The following TENM3 variants were observed in gnomAD, a reference collection of about 807,000 sequenced individuals.
TENM3 encodes the protein teneurin transmembrane protein 3.
A neutral mutation model predicts 255.1 loss-of-function variants in TENM3; 63 were observed. That is an observed-to-expected ratio of 0.25 (90% confidence interval 0.20 to 0.30). The LOEUF is 0.30. TENM3 is among the 10% of genes least tolerant of loss of function. The probability of loss-of-function intolerance (pLI) is 1.00; values close to 1 mark genes in which losing one functional copy is unlikely to be tolerated. For missense variants in TENM3, 2,929 were observed against 3,461.1 expected, an observed-to-expected ratio of 0.85 and a Z score of 3.86; for synonymous variants, 1,306 against 1,322.3, an observed-to-expected ratio of 0.99 and a Z score of 0.27.
intron 3 of TENM3, among the ~76,000 whole-genome samples, chr4:182,420,043 G>A (rs566536857): frequency 1.3e-4 from 20 of 151,412 alleles, no homozygotes; most frequent in Non-Finnish European, 2.9e-4. Flanking sequence ...AAGAAATACT[G>A]TTATTTCCCT....
At chr4:182,430,918 A>G (rs914102180) in intron 3 of TENM3, among the ~76,000 whole-genome samples, 1 of 152,016 alleles carries the variant, frequency 6.6e-6, no homozygotes, top group African/African-American at 2.4e-5. Context: ...AGGCTAAGAT[A>G]GGAGAATCAC....
At chr4:182,018,146 G>T in the TENM3 span, among the ~76,000 whole-genome samples, 1 of 152,144 alleles carries the variant, frequency 6.6e-6, no homozygotes, top group Non-Finnish European at 1.5e-5. Context: ...GACTATCCTA[G>T]AAGGGGATGA....
intron 12 of TENM3, among the ~76,000 whole-genome samples, chr4:182,708,734 C>T (rs1014692023): frequency 4.7e-5 from 7 of 149,770 alleles, no homozygotes; most frequent in African/African-American, 1.7e-4. Flanking sequence ...GGAGGCGGAG[C>T]TTGCAGTGAG....
chr4:181,790,431 A>G, the TENM3 span, among the ~76,000 whole-genome samples: 2 of 152,216 alleles, frequency 1.3e-5, no homozygotes, highest in African/African-American at 4.8e-5. Flanking sequence ...GCGAACTCTA[A>G]CAACAATTAA....
Position 182,680,582 on chromosome 4 carries a change from C to T in TENM3, c.1679C>T (p.Ser560Phe), listed in dbSNP as rs1450996916. The T allele has an allele frequency of 6.2e-7, 1 of 1,613,622 alleles. No individual in the cohort carries two copies. Among genetic ancestry groups the T allele is most frequent in the African/African-American group, 1.3e-5 (1 of 74,870 alleles). The change falls in exon 10 of 28, where the codon TCC (serine) becomes TTC (phenylalanine). Residue 560 changes from serine (S) to phenylalanine (F), a missense_variant. This residue lies in a region of TENM3 where 1,608 missense variants were observed against 1,884.4 expected (regional missense o/e 0.85). Coordinates refer to ENST00000511685, the MANE Select transcript of TENM3 (RefSeq NM_001080477.4). Reference protein sequence around the residue: ...PVLCSGNGQYSKGRCLCFSGW... With the variant: ...PVLCSGNGQYFKGRCLCFSGW... ...TTATGTAGTGGCAACGGGCAGTACTCCAAGGGCCGCTGCCTGTGTTTCAGC... is the reference window on the plus strand; with the variant it reads ...TTATGTAGTGGCAACGGGCAGTACTTCAAGGGCCGCTGCCTGTGTTTCAGC...
rs536862012 is a variant in TENM3, at chr4:182,689,044, T to G, written c.2221+693T>G. 6.1e-4 allele frequency among the ~76,000 whole-genome samples: 93 copies of G among 152,302 alleles called. 1 individual carries two copies. Among genetic ancestry groups the G allele is most frequent in the Admixed American group, 1.2e-3 (19 of 15,292 alleles). On this transcript the variant is annotated intron_variant, in intron 12 of 27. Transcript: ENST00000511685. The stretch of plus-strand genomic sequence containing the variant: ...TACAAAAGTATCCAAAACATATATA[T>G]CATGTTTTCAAGATACTTAGTGTCT...
At chr4:182,070,883 C>G in the TENM3 span, among the ~76,000 whole-genome samples, 1 of 152,274 alleles carries the variant, frequency 6.6e-6, no homozygotes, top group East Asian at 1.9e-4. Context: ...ACTCCTGGTT[C>G]CTTCAGAGCA....
intron 3 of TENM3, among the ~76,000 whole-genome samples, chr4:182,470,243 A>G (rs1027077356): frequency 6.6e-6 from 1 of 152,246 alleles, no homozygotes; most frequent in Non-Finnish European, 1.5e-5. Flanking sequence ...CAAAAACTAT[A>G]GTAAACAGAG....
At chr4:182,645,637 T>G (rs1007617108) in intron 5 of TENM3, among the ~76,000 whole-genome samples, 6 of 152,184 alleles carry the variant, frequency 3.9e-5, no homozygotes, top group African/African-American at 1.4e-4. Context: ...AAGGCTCAGC[T>G]GGTGCTGCAG....
the TENM3 span, among the ~76,000 whole-genome samples, chr4:181,483,107 A>G: frequency 6.6e-6 from 1 of 152,162 alleles, no homozygotes; most frequent in Non-Finnish European, 1.5e-5. Flanking sequence ...AAACAAGTGT[A>G]AAAAGAATTT....
chr4:181,620,775 G>A, the TENM3 span, among the ~76,000 whole-genome samples: 1 of 152,002 alleles, frequency 6.6e-6, no homozygotes, highest in Non-Finnish European at 1.5e-5. Flanking sequence ...TAAATTGCAG[G>A]AATTAAAAAT....
the TENM3 span, among the ~76,000 whole-genome samples, chr4:181,966,000 C>T: frequency 2.6e-5 from 4 of 152,136 alleles, no homozygotes; most frequent in African/African-American, 9.7e-5. Context: ...GCCATTATTC[C>T]ATTAGGGATG....
At chr4:181,611,567 C>T in the TENM3 span, among the ~76,000 whole-genome samples, 23 of 151,946 alleles carry the variant, frequency 1.5e-4, no homozygotes, top group South Asian at 6.2e-4. Context: ...TTGTATTACA[C>T]GATACGGAGT....
chr4:182,288,197 A>G (rs1275892828), intron 1 of TENM3, among the ~76,000 whole-genome samples: 1 of 152,028 alleles, frequency 6.6e-6, no homozygotes, highest in African/African-American at 2.4e-5. Context: ...CGGCCTCCCA[A>G]AGTACTGGGA....
chr4:181,621,583 G>A, the TENM3 span, among the ~76,000 whole-genome samples: 8 of 152,146 alleles, frequency 5.3e-5, no homozygotes, highest in African/African-American at 4.8e-5. Flanking sequence ...TCAAGAGGTC[G>A]ATAACTCCTT....
chr4:182,363,646 A>AT (rs1766195594), intron 3 of TENM3, among the ~76,000 whole-genome samples: 1 of 152,174 alleles, frequency 6.6e-6, no homozygotes, highest in African/African-American at 2.4e-5. Context: ...AAAGGTAACC[A>AT]TAAAACCTAC....
chr4:182,055,594 T>G, the TENM3 span, among the ~76,000 whole-genome samples: 2 of 152,046 alleles, frequency 1.3e-5, no homozygotes, highest in South Asian at 2.1e-4. Flanking sequence ...GTGTCCCTAA[T>G]CCACCGCTCT....
At chr4:181,994,869 A>G in the TENM3 span, among the ~76,000 whole-genome samples, 1 of 152,206 alleles carries the variant, frequency 6.6e-6, no homozygotes, top group South Asian at 2.1e-4. Context: ...TAAGGCTTTC[A>G]GATACAATTT....
chr4:182,676,042 G>A (rs116451561), intron 7 of TENM3, among the ~76,000 whole-genome samples: 358 of 152,326 alleles, frequency 2.4e-3, no homozygotes, highest in African/African-American at 8.2e-3. Flanking sequence ...CTGTTTCTGA[G>A]TTCAGTGTTT....
Sources: allele counts gnomAD v4.1 joint callset (sites outside exome capture counted in the v4.1 genomes callset), GRCh38; gene constraint gnomAD v4.1.1; regional missense constraint gnomAD v4.1.1; transcripts MANE v1.5; gene names NCBI Gene and HGNC (gene_info 2026-07-23, HGNC 2026-07-21).